SV2C: variants seen among roughly 807,000 people sequenced by gnomAD.
SV2C encodes the protein synaptic vesicle glycoprotein 2C.
SV2C carries 49 observed loss-of-function variants against 79.7 expected under a neutral mutation model. That is an observed-to-expected ratio of 0.61 (90% CI 0.49 to 0.78). SV2C has a LOEUF of 0.78. Among genes scored for constraint, SV2C ranks in the 30% least tolerant of loss-of-function variants. The probability of loss-of-function intolerance (pLI) is 0.00; values close to 1 mark genes in which losing one functional copy is unlikely to be tolerated. For missense variants in SV2C, 833 were observed against 912.9 expected, an observed-to-expected ratio of 0.91 and a Z score of 1.13; for synonymous variants, 334 against 333.2, an observed-to-expected ratio of 1.00 and a Z score of -0.03.
At chr5:75,972,340 A>T in the SV2C span, among the ~76,000 whole-genome samples, 1 of 152,128 alleles carries the variant, frequency 6.6e-6, no homozygotes, top group Non-Finnish European at 1.5e-5. Flanking sequence ...ATCTAATTAA[A>T]CTAAAGAGCT....
At chr5:76,282,615 G>T (rs1747231812) in intron 4 of SV2C, among the ~76,000 whole-genome samples, 1 of 152,186 alleles carries the variant, frequency 6.6e-6, no homozygotes, top group South Asian at 2.1e-4. Context: ...GCCTCAAGTG[G>T]CTCACATAAC....
the SV2C span, among the ~76,000 whole-genome samples, chr5:75,897,026 C>T: frequency 1.4e-5 from 2 of 145,260 alleles, no homozygotes; most frequent in African/African-American, 5.7e-5. Flanking sequence ...GTTGCCTGTT[C>T]ACTCTGATGG....
At chr5:76,062,093 T>C in the SV2C span, among the ~76,000 whole-genome samples, 1 of 152,236 alleles carries the variant, frequency 6.6e-6, no homozygotes, top group South Asian at 2.1e-4. Flanking sequence ...GCCATTTCAA[T>C]CTAATAGAAA....
intron 4 of SV2C, among the ~76,000 whole-genome samples, chr5:76,233,857 G>T (rs1028463594): frequency 2.0e-5 from 3 of 151,582 alleles, no homozygotes; most frequent in South Asian, 2.1e-4. Context: ...TTTTATTGAG[G>T]ATTTTTGCAT....
chr5:76,271,047 G>A (rs1279380851), intron 4 of SV2C, among the ~76,000 whole-genome samples: 1 of 152,156 alleles, frequency 6.6e-6, no homozygotes, highest in Admixed American at 6.5e-5. Context: ...GGTATTACCA[G>A]TGTGAGACAT....
At chr5:76,242,432 C>T (rs1470413175) in intron 4 of SV2C, 7 of 602,736 alleles carry the variant, frequency 1.2e-5, no homozygotes, top group Non-Finnish European at 2.1e-5. Context: ...TCATGATCTG[C>T]CCACCTCGGC....
downstream of SV2C, among the ~76,000 whole-genome samples, chr5:76,334,172 T>TG (rs1010826415): frequency 2.6e-5 from 4 of 152,156 alleles, no homozygotes; most frequent in African/African-American, 9.7e-5. Context: ...AATATGTTCG[T>TG]GGGGGAGTTT....
chr5:76,148,109 C>T (rs137954603), intron 2 of SV2C, among the ~76,000 whole-genome samples: 8 of 152,206 alleles, frequency 5.3e-5, no homozygotes, highest in South Asian at 2.1e-4. Flanking sequence ...GTTTTACAAC[C>T]GGGCTTTGGG....
intron 1 of SV2C, among the ~76,000 whole-genome samples, chr5:76,092,334 A>G (rs1017488371): frequency 2.0e-5 from 3 of 152,228 alleles, no homozygotes; most frequent in African/African-American, 7.2e-5. Flanking sequence ...AGCATGTGTA[A>G]GTATTAGTGT....
At chr5:76,024,617 C>T in the SV2C span, among the ~76,000 whole-genome samples, 1 of 152,018 alleles carries the variant, frequency 6.6e-6, no homozygotes, top group African/African-American at 2.4e-5. Context: ...ATTTTAGATG[C>T]AATAATCCTT....
At chr5:75,969,304 G>A in the SV2C span, among the ~76,000 whole-genome samples, 5 of 152,120 alleles carry the variant, frequency 3.3e-5, no homozygotes, top group Non-Finnish European at 5.9e-5. Context: ...CATAATGACA[G>A]GATCAAATTC....
At chr5:76,157,166 A>G (rs1742756106) in intron 2 of SV2C, among the ~76,000 whole-genome samples, 1 of 152,136 alleles carries the variant, frequency 6.6e-6, no homozygotes, top group Non-Finnish European at 1.5e-5. Context: ...TCTTGAAAGC[A>G]GCAAGAGAAA....
chr5:76,022,157 T>G, the SV2C span, among the ~76,000 whole-genome samples: 3 of 152,224 alleles, frequency 2.0e-5, no homozygotes, highest in African/African-American at 7.2e-5. Flanking sequence ...ACAGCGGCAT[T>G]AACTCACTGG....
In SV2C at chr5:76,285,795, T is replaced by C; in HGVS notation, c.1062T>C (p.Asp354=). 6.2e-7 allele frequency: 1 copy of C among 1,613,994 alleles called. No individual in the cohort carries two copies. Among genetic ancestry groups the C allele is most frequent in the African/African-American group, 1.3e-5 (1 of 75,050 alleles). The change falls in exon 6 of 13, where the codon GAT becomes GAC. Residue 354 remains aspartate, a synonymous_variant. Transcript: ENST00000502798. ...TCATTTCTTAGGTTGGAAAACATGA[T>C]GAAGCTTGGATGATTCTGAAGTTAA... is the stretch of plus-strand genomic sequence containing the variant. ...PRFLLEVGKH[D]EAWMILKLIH... is the part of the protein sequence containing the mutation.
the SV2C span, among the ~76,000 whole-genome samples, chr5:76,004,805 A>G: frequency 4.6e-5 from 7 of 152,178 alleles, no homozygotes; most frequent in Non-Finnish European, 8.8e-5. Flanking sequence ...AAGCAAGCAA[A>G]TTGCCCAAGG....
chr5:75,975,532 T>G, the SV2C span, among the ~76,000 whole-genome samples: 1 of 152,188 alleles, frequency 6.6e-6, no homozygotes, highest in South Asian at 2.1e-4. Flanking sequence ...TACGATAATG[T>G]GCACTGGGTG....
rs2112570229 is a variant in SV2C at position 76,327,860 on chromosome 5, T to G, written c.*2313T>G. ...ATTTGAACACTGGGTTGGGTCAGCA[T>G]AGGATAAACCAGCAAAACCTTACTT... is the stretch of plus-strand genomic sequence containing the variant. On this transcript the variant is annotated 3_prime_UTR_variant, in exon 13 of 13. Coordinates refer to ENST00000502798, the MANE Select transcript of SV2C (RefSeq NM_014979.4). The G allele has an allele frequency of 6.6e-6, 1 of 152,370 alleles. No individual in the cohort carries two copies. The highest frequency in any genetic ancestry group is 2.1e-4 in the South Asian group (1 of 4,832). The allele number at this position is 152,370 out of a possible 1,614,324, so 9.4% of individuals were successfully genotyped here. A position where few individuals can be genotyped will look rare whatever the true frequency, so the allele number is the denominator to read the frequency against.
chr5:75,892,663 C>A, the SV2C span, among the ~76,000 whole-genome samples: 4 of 151,784 alleles, frequency 2.6e-5, no homozygotes, highest in Non-Finnish European at 5.9e-5. Context: ...TAGCTCCCAC[C>A]TATAAGTGAG....
chr5:75,941,108 T>C, the SV2C span, among the ~76,000 whole-genome samples: 2 of 152,224 alleles, frequency 1.3e-5, no homozygotes, highest in Non-Finnish European at 1.5e-5. Context: ...CTGTAAGTGA[T>C]GTCTCAGGTT....
Sources: gnomAD v4.1 joint callset for allele counts (sites outside exome capture counted in the v4.1 genomes callset) on GRCh38, gnomAD v4.1.1 for gene constraint, MANE v1.5 for transcripts, NCBI Gene and HGNC (gene_info 2026-07-23, HGNC 2026-07-21) for gene names.